PHKA2: variants seen among roughly 807,000 people sequenced by gnomAD.
PHKA2 encodes phosphorylase kinase regulatory subunit alpha 2.
In PHKA2, 31 loss-of-function variants were observed where a neutral mutation model predicts 102.0. The ratio of observed to expected loss-of-function variants is 0.30; its 90% CI spans 0.23 to 0.41. PHKA2 has a LOEUF of 0.41. Among genes scored for constraint, PHKA2 ranks in the 10% least tolerant of loss-of-function variants. The pLI is 1.00. For missense variants in PHKA2, 858 were observed against 1,023.1 expected (o/e 0.84, Z 2.20); for synonymous variants, 455 against 416.2 (o/e 1.09, Z -1.13).
chrX:18,922,492 C>T (rs192775535), intron 17 of PHKA2, among the ~76,000 whole-genome samples: 115 of 111,726 alleles, frequency 1.0e-3, no homozygotes, highest in Non-Finnish European at 7.3e-4. Flanking sequence ...GCAAAACCTG[C>T]AAGAAGCTCT....
chrX:18,975,001 ATCTCG>A (rs779550956), intron 1 of PHKA2, among the ~76,000 whole-genome samples: 6 of 109,416 alleles, frequency 5.5e-5, no homozygotes, highest in Admixed American at 3.9e-4. Flanking sequence ...TGTTCCTGTG[ATCTCG>A]TCTCGTCTCG....
chrX:18,895,065 G>C (rs1265283694), intron 31 of PHKA2, 73 bp downstream of exon 31: 42 of 977,081 alleles, frequency 4.3e-5, no homozygotes, highest in Non-Finnish European at 6.0e-5. Flanking sequence ...AGCACAAGAG[G>C]TCAGAGTCCA....
Position 18,906,821 on chromosome X carries a change from A to G in PHKA2, c.2598-7T>C. Reference sequence around the variant, plus strand: ...CTCCTCTGGGGGAAGGGGCCTAGAAAGGAGCATTGTGTCACGAATGTGATG... The same window carrying G: ...CTCCTCTGGGGGAAGGGGCCTAGAAGGGAGCATTGTGTCACGAATGTGATG... On this transcript the variant is annotated splice_region_variant and splice_polypyrimidine_tract_variant and intron_variant, in intron 23 of 32. Coordinates refer to ENST00000379942, the MANE Select transcript of PHKA2 (RefSeq NM_000292.3). 8.3e-7 allele frequency: 1 copy of G among 1,199,697 alleles called. No individual in the cohort carries two copies. Among genetic ancestry groups the G allele is most frequent in the Non-Finnish European group, 1.1e-6 (1 of 884,195 alleles).
chrX:18,952,442 T>C, intron 3 of PHKA2, 52 bp downstream of exon 3: 6 of 1,043,409 alleles, frequency 5.8e-6, no homozygotes, highest in Non-Finnish European at 8.1e-6. Context: ...CTGTCACAAT[T>C]ACAATGACAT....
intron 1 of PHKA2, among the ~76,000 whole-genome samples, chrX:18,958,812 C>T (rs1041602771): frequency 2.7e-5 from 3 of 111,024 alleles, no homozygotes; most frequent in South Asian, 3.9e-4. Context: ...GGGATTCAAG[C>T]GATTCTCCTG....
chrX:18,948,500 A>T (rs1387308441), intron 5 of PHKA2, among the ~76,000 whole-genome samples: 1 of 111,858 alleles, frequency 8.9e-6, no homozygotes, highest in Non-Finnish European at 1.9e-5. Context: ...CAAAATAAAT[A>T]AAAAAATATA....
At chrX:18,925,613 A>G in intron 15 of PHKA2, 55 bp downstream of exon 15, 3 of 664,556 alleles carry the variant, frequency 4.5e-6, no homozygotes, top group Non-Finnish European at 7.6e-6. Context: ...AGAAAAGCTT[A>G]CCAGACAGCA....
rs1044830686 is a variant in PHKA2, at chrX:18,939,404, G to A, written c.918+591C>T. Among the ~76,000 whole-genome samples the A allele has an allele frequency of 3.6e-5, 4 of 111,127 alleles. No individual in the cohort carries two copies. The South Asian group carries it at 1.5e-3, about 42-fold the overall frequency. On this transcript the variant is annotated intron_variant, in intron 9 of 32. Transcript: ENST00000379942. ...TCACTATGTTGCCCAGACTGGTCTC[G>A]AACTCCTGGGCTCAAGCAATCCTCC...
At chrX:18,920,511 C>A (rs2048098823) in intron 17 of PHKA2, among the ~76,000 whole-genome samples, 1 of 112,427 alleles carries the variant, frequency 8.9e-6, no homozygotes, top group Non-Finnish European at 1.9e-5. Flanking sequence ...ATTGCGCAAA[C>A]TACTTTTAAA....
intron 19 of PHKA2, among the ~76,000 whole-genome samples, chrX:18,912,667 C>T (rs1269531775): frequency 9.1e-6 from 1 of 109,413 alleles, no homozygotes; most frequent in East Asian, 2.9e-4. Context: ...AATCCCAGCA[C>T]TTTGGCAGGC....
chrX:18,902,183 C>T lies in PHKA2; in HGVS notation c.2909-580G>A, dbSNP rs72616072. 9.2e-5 allele frequency among the ~76,000 whole-genome samples: 10 copies of T among 109,252 alleles called. No homozygotes were observed. The East Asian group carries it at 1.2e-3, about 13-fold the overall frequency. The allele number at this position is 109,252 out of a possible 115,157, so 94.9% of individuals were successfully genotyped here. On this transcript the variant is annotated intron_variant, in intron 26 of 32. Coordinates refer to ENST00000379942, the MANE Select transcript of PHKA2 (RefSeq NM_000292.3). ...TTGAGACAGAGTCTTGCTCTGTTCC[C>T]GAGGCTGGAGTGTGCGATCTTGGCT...
chrX:18,958,149 C>T (rs185236626), intron 1 of PHKA2, among the ~76,000 whole-genome samples: 83 of 111,506 alleles, frequency 7.4e-4, no homozygotes, highest in African/African-American at 2.5e-3. Context: ...CGTGAGCCAC[C>T]GTGCCCGGCC....
At chrX:18,980,549 C>T (rs113099292) in intron 1 of PHKA2, among the ~76,000 whole-genome samples, 1 of 112,440 alleles carries the variant, frequency 8.9e-6, no homozygotes, top group Non-Finnish European at 1.9e-5. Flanking sequence ...AGCATAGTAC[C>T]TTCCCTTGAA....
In PHKA2 at chrX:18,935,319, G is replaced by A. The variant is rs914316866; in HGVS notation, c.1137+736C>T. 6.2e-5 allele frequency among the ~76,000 whole-genome samples: 7 copies of A among 112,172 alleles called. No homozygotes were observed. In the East Asian group the frequency reaches 1.1e-3, roughly 18 times the overall value. On this transcript the variant is annotated intron_variant, in intron 11 of 32. Coordinates refer to ENST00000379942, the MANE Select transcript of PHKA2 (RefSeq NM_000292.3). ...ACTGGACTGTTTTTCTCTCCCTGAT[G>A]TAGAATGGCTTCTAAGTGATTACTC...
intron 30 of PHKA2, chrX:18,895,477 T>C (rs1054059714): frequency 1.4e-5 from 5 of 347,974 alleles, no homozygotes; most frequent in Non-Finnish European, 2.5e-5. Context: ...CGCATTGTAC[T>C]TGGCAACTGG....
chrX:18,894,639 A>C, intron 31 of PHKA2: 1 of 436,823 alleles, frequency 2.3e-6, no homozygotes, highest in Non-Finnish European at 4.0e-6. Flanking sequence ...CCTTCCCCCC[A>C]TCGACTACAG....
In PHKA2 at chrX:18,911,012, T is replaced by C. The variant is rs757547705; in HGVS notation, c.2138-52A>G. ...TATTCTGAGGAGGAAGAACAACACT[T>C]TTTTTTTTTTTGAGACAGAATCTCA... On this transcript the variant is annotated intron_variant, in intron 19 of 32. Transcript: ENST00000379942. 4.1e-5 allele frequency: 10 copies of C among 246,676 alleles called. No homozygotes were observed. The South Asian group carries it at 5.1e-4, about 13-fold the overall frequency. The allele number at this position is 246,676 out of a possible 1,213,427, so 20.3% of individuals were successfully genotyped here. A position where few individuals can be genotyped will look rare whatever the true frequency, so the allele number is the denominator to read the frequency against.
chrX:18,924,453 C>T lies in PHKA2; in HGVS notation c.1642G>A (p.Ala548Thr). 1 of 1,208,710 alleles carries T rather than the reference C, an allele frequency of 8.3e-7. No homozygotes were observed. Among genetic ancestry groups the T allele is most frequent in the Non-Finnish European group, 1.1e-6 (1 of 893,049 alleles). The change falls in exon 16 of 33, where the codon GCC (alanine) becomes ACC (threonine). Residue 548 changes from alanine (A) to threonine (T), a missense_variant. Physicochemically the swap from Ala to Thr is moderately conservative, Grantham distance 58 (BLOSUM62 0). This residue lies in a region of PHKA2 where 671 missense variants were observed against 745.2 expected (regional missense o/e 0.90). Coordinates refer to ENST00000379942, the MANE Select transcript of PHKA2 (RefSeq NM_000292.3). ...ATCCTCCAGCAGGTGCACAGGTAGG[C>T]CAGCTCGATCCTTAGCATCTCCACG... ...MIVEMLRIEL[A>T]YLCTCWRMTG...
chrX:18,898,304 A>G (rs2238933), intron 29 of PHKA2: 14,046 of 112,304 alleles, frequency 0.13, 784 homozygotes, highest in East Asian at 0.36. Flanking sequence ...GAGGCTCCCC[A>G]CCGCTGGCGG....
Sources: gnomAD v4.1 joint callset for allele counts (sites outside exome capture counted in the v4.1 genomes callset) on GRCh38, gnomAD v4.1.1 for gene constraint, gnomAD v4.1.1 regional missense constraint, MANE v1.5 for transcripts, NCBI Gene and HGNC (gene_info 2026-07-23, HGNC 2026-07-21) for gene names.